SIRT4: variants seen among roughly 807,000 people sequenced by gnomAD.
The protein encoded by SIRT4 is NAD-dependent protein lipoamidase sirtuin-4, mitochondrial.
SIRT4 carries 23 observed loss-of-function variants against 26.1 expected under a neutral mutation model. The observed-to-expected ratio is 0.88, with a 90% CI of 0.63 to 1.25. SIRT4 has a LOEUF of 1.25. Ranked by LOEUF, SIRT4 falls within the 50% of genes most tolerant of loss-of-function variation. The probability of loss-of-function intolerance (pLI) is 0.00; values close to 1 mark genes in which losing one functional copy is unlikely to be tolerated. For missense variants in SIRT4, 361 were observed against 405.4 expected, an observed-to-expected ratio of 0.89 and a Z score of 0.94; for synonymous variants, 155 against 158.4, an observed-to-expected ratio of 0.98 and a Z score of 0.16.
chr12:120,308,638 G>T (rs1872839668), intron 2 of SIRT4, among the ~76,000 whole-genome samples: 1 of 152,164 alleles, frequency 6.6e-6, no homozygotes, highest in African/African-American at 2.4e-5. Flanking sequence ...CAGATTGTCT[G>T]GGAAAGTTAG....
In SIRT4 at chr12:120,312,927, A is replaced by C; in HGVS notation, c.836A>C (p.Lys279Thr). 6.2e-7 allele frequency: 1 copy of C among 1,614,138 alleles called. No homozygotes were observed. Among genetic ancestry groups the C allele is most frequent in the Non-Finnish European group, 8.5e-7 (1 of 1,180,016 alleles). The change falls in exon 4 of 4, where the codon AAG becomes ACG. Residue 279 changes from lysine (K) to threonine (T), a missense_variant. Lys to Thr is a moderately conservative substitution (Grantham distance 78). Transcript: ENST00000202967. ...TTTATCCTCACTGCCTGGGAGAAGA[A>C]GCTCCCGATTGCAATACTGAACATT... ...YRFILTAWEK[K>T]LPIAILNIGP...
the SIRT4 span, among the ~76,000 whole-genome samples, chr12:120,292,206 G>C: frequency 2.0e-5 from 3 of 152,212 alleles, no homozygotes; most frequent in African/African-American, 4.8e-5. Flanking sequence ...GGGAAAGCGA[G>C]CCTGGAGGGC....
upstream of SIRT4, among the ~76,000 whole-genome samples, chr12:120,299,040 C>G (rs1461160542): frequency 6.7e-6 from 1 of 149,452 alleles, no homozygotes; most frequent in African/African-American, 2.5e-5. Context: ...TCCTGGCTAA[C>G]ACGGTGAAAC....
chr12:120,295,913 A>G, the SIRT4 span, among the ~76,000 whole-genome samples: 1 of 151,224 alleles, frequency 6.6e-6, no homozygotes, highest in Non-Finnish European at 1.5e-5. Context: ...AAAATACAAA[A>G]TTACAAAAAT....
chr12:120,307,019 T>G (rs1300980377), intron 2 of SIRT4, among the ~76,000 whole-genome samples: 1 of 152,176 alleles, frequency 6.6e-6, no homozygotes, highest in East Asian at 1.9e-4. Flanking sequence ...CTTATGGGTC[T>G]GGCAATAATT....
the SIRT4 span, among the ~76,000 whole-genome samples, chr12:120,296,086 CAAA>C: frequency 5.0e-5 from 2 of 40,190 alleles, no homozygotes; most frequent in African/African-American, 2.1e-4. Flanking sequence ...GACTCCGTCT[CAAA>C]AAAAAAAAAA....
chr12:120,305,427 T>C (rs1248792292), intron 2 of SIRT4, among the ~76,000 whole-genome samples: 1 of 152,060 alleles, frequency 6.6e-6, no homozygotes, highest in Non-Finnish European at 1.5e-5. Flanking sequence ...ATTTTTAATT[T>C]AATTTTTATT....
chr12:120,308,772 G>A (rs760072905), intron 2 of SIRT4, among the ~76,000 whole-genome samples: 68 of 152,256 alleles, frequency 4.5e-4, no homozygotes, highest in Non-Finnish European at 8.7e-4. Flanking sequence ...TTTGAGGAAG[G>A]CTAAACAGGA....
chr12:120,293,138 T>TA, the SIRT4 span: 6 of 152,184 alleles, frequency 3.9e-5, no homozygotes, highest in Non-Finnish European at 7.3e-5. Flanking sequence ...CCGACTATAT[T>TA]GCAAGTCGTC....
chr12:120,302,479 T>C (rs1872581260), intron 1 of SIRT4, 101 bp downstream of exon 1: 1 of 151,514 alleles, frequency 6.6e-6, no homozygotes. Flanking sequence ...TGGAAGAGAG[T>C]AGTTGTTCCA....
chr12:120,298,908 A>AAAT (rs1566460550), upstream of SIRT4, among the ~76,000 whole-genome samples: 65 of 127,536 alleles, frequency 5.1e-4, no homozygotes, highest in Admixed American at 1.3e-3. Flanking sequence ...TCCGTCTCAA[A>AAAT]AAATAAATAA....
the SIRT4 span, among the ~76,000 whole-genome samples, chr12:120,296,642 G>T: frequency 6.6e-6 from 1 of 151,218 alleles, no homozygotes; most frequent in Admixed American, 6.6e-5. Flanking sequence ...CAGGTAGCTG[G>T]GACTACAGGC....
At chr12:120,303,429 C>A in intron 1 of SIRT4, 132 bp from the exon 2 acceptor site, 1 of 1,030,274 alleles carries the variant, frequency 9.7e-7, no homozygotes, top group Non-Finnish European at 1.4e-6. Flanking sequence ...GAGCCAAGAT[C>A]ATGCCACTGT....
intron 2 of SIRT4, among the ~76,000 whole-genome samples, chr12:120,309,098 G>A (rs953387309): frequency 1.3e-5 from 2 of 152,212 alleles, no homozygotes; most frequent in Middle Eastern, 3.4e-3. Flanking sequence ...AGAATCGCTT[G>A]AACCTGGGAG....
chr12:120,312,934 G>T lies in SIRT4; in HGVS notation c.843G>T (p.Pro281=). The T allele has an allele frequency of 6.2e-7, 1 of 1,614,174 alleles. No homozygotes were observed. The highest frequency in any genetic ancestry group is 8.5e-7 in the Non-Finnish European group (1 of 1,180,034). The change falls in exon 4 of 4, where the codon CCG becomes CCT. Residue 281 remains proline (P), a synonymous_variant. Transcript: ENST00000202967. ...TCACTGCCTGGGAGAAGAAGCTCCC[G>T]ATTGCAATACTGAACATTGGGCCCA... ...FILTAWEKKL[P]IAILNIGPTR...
chr12:120,308,228 G>T (rs1872822384), intron 2 of SIRT4, among the ~76,000 whole-genome samples: 1 of 147,908 alleles, frequency 6.8e-6, no homozygotes, highest in Admixed American at 6.9e-5. Context: ...GGAGTGCAGT[G>T]GCACGGTCTC....
chr12:120,303,879 G>T lies in SIRT4; in HGVS notation c.318G>T (p.Trp106Cys). The part of the protein sequence containing the change: ...VRSAPIRQRY[W>C]ARNFVGWPQF... Reference sequence around the variant, plus strand: ...GTGCCCCAATCCGCCAGCGGTACTGGGCGAGAAACTTCGTAGGCTGGCCTC... The same window carrying T: ...GTGCCCCAATCCGCCAGCGGTACTGTGCGAGAAACTTCGTAGGCTGGCCTC... The change falls in exon 2 of 4, where the codon TGG becomes TGT. Residue 106 changes from tryptophan (W) to cysteine (C), a missense_variant. Coordinates refer to ENST00000202967, the MANE Select transcript of SIRT4 (RefSeq NM_012240.3). The T allele has an allele frequency of 6.2e-7, 1 of 1,614,186 alleles. No homozygotes were observed. The highest frequency in any genetic ancestry group is 1.1e-5 in the South Asian group (1 of 91,082).
In SIRT4 at chr12:120,304,019, G is replaced by C; in HGVS notation, c.458G>C (p.Gly153Ala). The change falls in exon 2 of 4, where the codon GGG (glycine) becomes GCG (alanine). Residue 153 changes from glycine (G) to alanine (A), a missense_variant. Coordinates refer to ENST00000202967, the MANE Select transcript of SIRT4 (RefSeq NM_012240.3). ...GTGGATGCTTTGCACACCAAGGCGGGGAGTCGGCGCCTGACAGAGCTCCAC... is the reference window on the plus strand; with the variant it reads ...GTGGATGCTTTGCACACCAAGGCGGCGAGTCGGCGCCTGACAGAGCTCCAC... The part of the protein sequence containing the change: ...QNVDALHTKA[G>A]SRRLTELHGC... 1 of 1,611,892 alleles carries C rather than the reference G, an allele frequency of 6.2e-7. No individual in the cohort carries two copies. The highest frequency in any genetic ancestry group is 8.5e-7 in the Non-Finnish European group (1 of 1,180,010).
Position 120,303,882 on chromosome 12 carries a change from G to A in SIRT4, c.321G>A (p.Ala107=), listed in dbSNP as rs199844619. The change falls in exon 2 of 4, where the codon GCG becomes GCA. Residue 107 remains alanine, a synonymous_variant. Coordinates refer to ENST00000202967, the MANE Select transcript of SIRT4 (RefSeq NM_012240.3). ...RSAPIRQRYW[A]RNFVGWPQFS... ...CCCCAATCCGCCAGCGGTACTGGGC[G>A]AGAAACTTCGTAGGCTGGCCTCAAT... The A allele has an allele frequency of 7.0e-5, 113 of 1,614,204 alleles. 1 individual carries two copies. In the Admixed American group the frequency reaches 1.7e-3, roughly 24 times the overall value.
Sources: allele counts gnomAD v4.1 joint callset (sites outside exome capture counted in the v4.1 genomes callset), GRCh38; gene constraint gnomAD v4.1.1; transcripts MANE v1.5; gene names NCBI Gene and HGNC (gene_info 2026-07-23, HGNC 2026-07-21).